Variants in SGMS1 observed in about 807,000 individuals in gnomAD.
SGMS1 encodes sphingomyelin synthase 1, also known as phosphatidylcholine:ceramide cholinephosphotransferase 1.
SGMS1 carries 13 observed loss-of-function variants against 46.2 expected under a neutral mutation model. The observed-to-expected ratio is 0.28, with a 90% CI of 0.18 to 0.45. The LOEUF (loss-of-function observed/expected upper bound fraction) is 0.45. Among genes scored for constraint, SGMS1 ranks in the 20% least tolerant of loss-of-function variants. The pLI is 1.00. For synonymous variants in SGMS1, 203 were observed against 187.8 expected, an observed-to-expected ratio of 1.08 and a Z score of -0.66; for missense variants, 324 against 519.9, an observed-to-expected ratio of 0.62 and a Z score of 3.66.
At position 50,598,744 on chromosome 10, in the gene SGMS1, C is replaced by A. The variant is rs1024768469; in HGVS notation, c.-683-8497G>T. On this transcript the variant is annotated intron_variant, in intron 1 of 10. Transcript: ENST00000361781. ...AAATGAGTGACTCCATGAAATTATGCAAGCCACATCACCTCCCAGAGCCTT... is the reference window on the plus strand; with the variant it reads ...AAATGAGTGACTCCATGAAATTATGAAAGCCACATCACCTCCCAGAGCCTT... Among the ~76,000 whole-genome samples the A allele has an allele frequency of 2.6e-5, 4 of 152,234 alleles. No homozygotes were observed. The East Asian group carries it at 7.7e-4, about 29-fold the overall frequency.
intron 6 of SGMS1, among the ~76,000 whole-genome samples, chr10:50,416,379 T>C (rs1175179190): frequency 6.6e-6 from 1 of 152,236 alleles, no homozygotes; most frequent in Non-Finnish European, 1.5e-5. Context: ...TTAGGACTAT[T>C]GTGAAAACTA....
chr10:50,537,444 T>C (rs1342114511), intron 2 of SGMS1, among the ~76,000 whole-genome samples: 1 of 139,496 alleles, frequency 7.2e-6, no homozygotes, highest in Admixed American at 7.6e-5. Context: ...TTTCTTTATA[T>C]ATATATATAG....
intron 2 of SGMS1, among the ~76,000 whole-genome samples, chr10:50,548,674 A>G (rs1390997969): frequency 6.6e-6 from 1 of 152,230 alleles, no homozygotes; most frequent in Non-Finnish European, 1.5e-5. Flanking sequence ...ACGAAATGCC[A>G]AAAGCCATTG....
At chr10:50,447,967 G>T (rs1445848524) in intron 5 of SGMS1, among the ~76,000 whole-genome samples, 1 of 152,128 alleles carries the variant, frequency 6.6e-6, no homozygotes, top group African/African-American at 2.4e-5. Flanking sequence ...ACTGGGATAG[G>T]TTCCAGTGCA....
intron 2 of SGMS1, among the ~76,000 whole-genome samples, chr10:50,552,645 T>C (rs1838158114): frequency 6.6e-6 from 1 of 152,206 alleles, no homozygotes; most frequent in Non-Finnish European, 1.5e-5. Context: ...GAAAGTTCTA[T>C]TAATATTTGC....
chr10:50,318,709 A>G (rs1847389655), intron 8 of SGMS1, among the ~76,000 whole-genome samples: 1 of 152,224 alleles, frequency 6.6e-6, no homozygotes, highest in Non-Finnish European at 1.5e-5. Flanking sequence ...ACTGATCTAA[A>G]GGACAAGAGA....
At chr10:50,600,619 T>C (rs1221035136) in intron 1 of SGMS1, among the ~76,000 whole-genome samples, 2 of 152,234 alleles carry the variant, frequency 1.3e-5, no homozygotes, top group Non-Finnish European at 2.9e-5. Flanking sequence ...GCCAAATTGA[T>C]GGAGACAGAA....
At chr10:50,337,873 A>C (rs1319555639) in intron 7 of SGMS1, among the ~76,000 whole-genome samples, 1 of 68,656 alleles carries the variant, frequency 1.5e-5, no homozygotes, top group Non-Finnish European at 3.5e-5. Flanking sequence ...GTTAAAATAC[A>C]AAAAAAAAAA....
chr10:50,587,357 G>A (rs1042007771), intron 2 of SGMS1, among the ~76,000 whole-genome samples: 11 of 152,224 alleles, frequency 7.2e-5, no homozygotes, highest in African/African-American at 1.4e-4. Flanking sequence ...GTCATTGGCC[G>A]GGCGTGGCAG....
At chr10:50,561,268 T>C (rs1838234138) in intron 2 of SGMS1, among the ~76,000 whole-genome samples, 1 of 152,202 alleles carries the variant, frequency 6.6e-6, no homozygotes, top group African/African-American at 2.4e-5. Flanking sequence ...CATCAACTCA[T>C]TACAATACCA....
chr10:50,326,435 G>A (rs908488531), intron 8 of SGMS1, among the ~76,000 whole-genome samples: 6 of 152,134 alleles, frequency 3.9e-5, no homozygotes, highest in African/African-American at 1.4e-4. Flanking sequence ...CAGGTATAAT[G>A]CAAAGAAATG....
intron 1 of SGMS1, among the ~76,000 whole-genome samples, chr10:50,617,333 C>T (rs989662707): frequency 2.6e-5 from 4 of 152,126 alleles, no homozygotes; most frequent in Admixed American, 2.6e-4. Context: ...TGGTACTATA[C>T]TGTATGGTCC....
chr10:50,528,004 C>T (rs1375993870), intron 2 of SGMS1, among the ~76,000 whole-genome samples: 1 of 152,096 alleles, frequency 6.6e-6, no homozygotes, highest in Non-Finnish European at 1.5e-5. Flanking sequence ...TAGGACATGG[C>T]TCTAAGTACT....
chr10:50,624,424 A>T (rs1479158690), upstream of SGMS1, among the ~76,000 whole-genome samples: 2 of 152,184 alleles, frequency 1.3e-5, no homozygotes, highest in Non-Finnish European at 2.9e-5. Flanking sequence ...ATTCCTAGGA[A>T]ACGGCCGACC....
At chr10:50,529,298 A>C (rs1837931227) in intron 2 of SGMS1, among the ~76,000 whole-genome samples, 2 of 152,220 alleles carry the variant, frequency 1.3e-5, no homozygotes, top group South Asian at 4.1e-4. Flanking sequence ...TCTAAGACTC[A>C]ACTCTGCCTC....
intron 7 of SGMS1, among the ~76,000 whole-genome samples, chr10:50,330,189 C>T (rs891958802): frequency 1.8e-4 from 27 of 152,206 alleles, no homozygotes; most frequent in African/African-American, 6.3e-4. Flanking sequence ...CATGGTGACT[C>T]ACGCCTGTAA....
At chr10:50,347,527 G>A (rs1361260060) in intron 6 of SGMS1, among the ~76,000 whole-genome samples, 2 of 152,290 alleles carry the variant, frequency 1.3e-5, no homozygotes, top group Middle Eastern at 3.4e-3. Flanking sequence ...AGGAAGAAAA[G>A]GGGAACTCCT....
At chr10:50,440,146 G>A (rs1564914205) in intron 5 of SGMS1, among the ~76,000 whole-genome samples, 1 of 151,914 alleles carries the variant, frequency 6.6e-6, no homozygotes, top group Non-Finnish European at 1.5e-5. Flanking sequence ...AATAGTAACT[G>A]GTTTTTCTGT....
At chr10:50,401,948 TA>T (rs1276342601) in intron 6 of SGMS1, among the ~76,000 whole-genome samples, 1 of 152,224 alleles carries the variant, frequency 6.6e-6, no homozygotes, top group Non-Finnish European at 1.5e-5. Flanking sequence ...AAGATTAAGC[TA>T]AAGATGCAAA....
Sources: gnomAD v4.1 joint callset for allele counts (sites outside exome capture counted in the v4.1 genomes callset) on GRCh38, gnomAD v4.1.1 for gene constraint, MANE v1.5 for transcripts, NCBI Gene and HGNC (gene_info 2026-07-23, HGNC 2026-07-21) for gene names.